PTPRN2: variants seen among roughly 807,000 people sequenced by gnomAD.
PTPRN2 encodes the protein receptor-type tyrosine-protein phosphatase N2.
Under a neutral mutation model 118.8 loss-of-function variants are expected in PTPRN2, and 74 were observed. The ratio of observed to expected loss-of-function variants is 0.62; its 90% CI spans 0.52 to 0.76. The LOEUF (loss-of-function observed/expected upper bound fraction) is 0.76, where lower values mean the gene tolerates loss of function less well. Among genes scored for constraint, PTPRN2 ranks in the 30% least tolerant of loss-of-function variants. The pLI, the probability that PTPRN2 is intolerant of heterozygous loss-of-function variation, is 0.00. For synonymous variants in PTPRN2, 641 were observed against 608.0 expected (o/e 1.05, Z -0.80); for missense variants, 1,481 against 1,394.4 (o/e 1.06, Z -0.99).
chr7:158,081,252 GCACA>G (rs1491171781), intron 11 of PTPRN2, 42 bp downstream of exon 11: 2 of 1,477,662 alleles, frequency 1.4e-6, no homozygotes, highest in East Asian at 4.5e-5. Flanking sequence ...GTGTGTGTGT[GCACA>G]CACGTGTGTG....
chr7:158,315,470 C>T (rs1334818523), intron 3 of PTPRN2, among the ~76,000 whole-genome samples: 3 of 146,528 alleles, frequency 2.0e-5, no homozygotes, highest in Non-Finnish European at 4.5e-5. Flanking sequence ...CCAGGACTCC[C>T]TGAAGGATAG....
chr7:158,265,411 C>T (rs1425185088), intron 3 of PTPRN2, among the ~76,000 whole-genome samples: 1 of 146,492 alleles, frequency 6.8e-6, no homozygotes, highest in African/African-American at 2.5e-5. Flanking sequence ...CGGGCACACA[C>T]CTGTGGGCAC....
chr7:158,245,188 CCG>C (rs1563029919), intron 3 of PTPRN2, among the ~76,000 whole-genome samples: 3 of 100,276 alleles, frequency 3.0e-5, no homozygotes, highest in African/African-American at 1.2e-4. Context: ...ATGCCGGAAT[CCG>C]TGGTCATGCT....
At chr7:158,528,134 A>G (rs1304455561) in intron 1 of PTPRN2, among the ~76,000 whole-genome samples, 1 of 151,934 alleles carries the variant, frequency 6.6e-6, no homozygotes, top group African/African-American at 2.4e-5. Flanking sequence ...AGCTGCTAGC[A>G]ACTGGCTGTG....
intron 2 of PTPRN2, among the ~76,000 whole-genome samples, chr7:158,441,048 GTGGT>G (rs1817041775): frequency 2.0e-5 from 1 of 49,780 alleles, no homozygotes; most frequent in Non-Finnish European, 5.1e-5. Flanking sequence ...AGTAGTGATG[GTGGT>G]AGTGATGGGG....
chr7:158,273,419 C>T lies in PTPRN2; in HGVS notation c.277+43400G>A, dbSNP rs1044189000. Among the ~76,000 whole-genome samples, 44 of 125,254 alleles carry T rather than the reference C, an allele frequency of 3.5e-4. 11 individuals are homozygous for T. Among genetic ancestry groups the T allele is most frequent in the African/African-American group, 9.6e-4 (29 of 30,100 alleles). The allele number at this position is 125,254 out of a possible 152,430, so 82.2% of individuals were successfully genotyped here. A position where few individuals can be genotyped will look rare whatever the true frequency, so the allele number is the denominator to read the frequency against. On this transcript the variant is annotated intron_variant, in intron 3 of 22. Coordinates refer to ENST00000389418, the MANE Select transcript of PTPRN2 (RefSeq NM_002847.5). ...AGACACGGGAGGAGCCGCAGACAGA[C>T]GCGGGAGGAGCCGCAGACAGACGCG...
chr7:157,707,134 G>A (rs1798372675), intron 12 of PTPRN2, among the ~76,000 whole-genome samples: 1 of 152,132 alleles, frequency 6.6e-6, no homozygotes, highest in Non-Finnish European at 1.5e-5. Flanking sequence ...CAGGTTTAGT[G>A]CTGTGGGTTG....
At chr7:157,593,246 A>G (rs1478267641) in intron 17 of PTPRN2, among the ~76,000 whole-genome samples, 14 of 109,240 alleles carry the variant, frequency 1.3e-4, no homozygotes, top group East Asian at 3.3e-4. Context: ...GGGCATCATC[A>G]TGGTTGTTGC....
At position 158,571,513 on chromosome 7, in the gene PTPRN2, A is replaced by C. The variant is rs1466063264; in HGVS notation, c.112+16045T>G. ...AAAACAAAAAAAAACAAAAAAAAAC[A>C]CACACCTATTTCTTTTTTTTTTTTT... On this transcript the variant is annotated intron_variant, in intron 1 of 22. Coordinates refer to ENST00000389418, the MANE Select transcript of PTPRN2 (RefSeq NM_002847.5). Among the ~76,000 whole-genome samples, 45 of 137,244 alleles carry C rather than the reference A, an allele frequency of 3.3e-4. 1 individual carries two copies. Among genetic ancestry groups the C allele is most frequent in the African/African-American group, 6.1e-4 (21 of 34,428 alleles). The allele number at this position is 137,244 out of a possible 152,430, so 90.0% of individuals were successfully genotyped here. A position where few individuals can be genotyped will look rare whatever the true frequency, so the allele number is the denominator to read the frequency against.
At chr7:157,669,528 C>A in intron 13 of PTPRN2, 2 of 490,274 alleles carry the variant, frequency 4.1e-6, no homozygotes, top group East Asian at 1.2e-4. Flanking sequence ...ACGACGACAC[C>A]CAGTCAGGGG....
At chr7:158,333,424 A>T (rs200016513) in intron 2 of PTPRN2, among the ~76,000 whole-genome samples, 6 of 117,884 alleles carry the variant, frequency 5.1e-5, no homozygotes, top group Admixed American at 1.6e-4. Flanking sequence ...CCACACTGTC[A>T]CCATAAGAGG....
chr7:158,432,364 A>G (rs1816279848), intron 2 of PTPRN2, among the ~76,000 whole-genome samples: 1 of 152,192 alleles, frequency 6.6e-6, no homozygotes, highest in South Asian at 2.1e-4. Context: ...ACAAACGACA[A>G]AGTCCTGTAA....
chr7:158,130,684 GACAC>G (rs757753774), intron 9 of PTPRN2, among the ~76,000 whole-genome samples: 1 of 115,292 alleles, frequency 8.7e-6, no homozygotes, highest in African/African-American at 3.8e-5. Context: ...CGTACATACA[GACAC>G]ACACATCTAC....
In PTPRN2 at chr7:158,146,119, G is replaced by A. The variant is rs117440855; in HGVS notation, c.911-7604C>T. Among the ~76,000 whole-genome samples, 14 of 152,040 alleles carry A rather than the reference G, an allele frequency of 9.2e-5. No homozygotes were observed. The East Asian group carries it at 1.2e-3, about 13-fold the overall frequency. ...ACTTGGTTCTCCATGAGAAGCTCTCGCCACAGCTCATTGTGATCCTCAGGT... is the reference window on the plus strand; with the variant it reads ...ACTTGGTTCTCCATGAGAAGCTCTCACCACAGCTCATTGTGATCCTCAGGT... On this transcript the variant is annotated intron_variant, in intron 6 of 22. Coordinates refer to ENST00000389418, the MANE Select transcript of PTPRN2 (RefSeq NM_002847.5).
At chr7:158,333,647 C>T (rs1307457454) in intron 2 of PTPRN2, among the ~76,000 whole-genome samples, 2 of 151,764 alleles carry the variant, frequency 1.3e-5, no homozygotes, top group African/African-American at 2.4e-5. Context: ...CTCACACCCA[C>T]ATTCTCACCA....
intron 20 of PTPRN2, among the ~76,000 whole-genome samples, chr7:157,569,616 T>A (rs1799661836): frequency 6.6e-6 from 1 of 152,246 alleles, no homozygotes; most frequent in Non-Finnish European, 1.5e-5. Context: ...AAAAATGTTT[T>A]GAATAATACT....
At chr7:158,329,809 C>A (rs1279881384) in intron 2 of PTPRN2, among the ~76,000 whole-genome samples, 1 of 152,180 alleles carries the variant, frequency 6.6e-6, no homozygotes, top group African/African-American at 2.4e-5. Context: ...GGTCCCACTT[C>A]ACCGCTCGAG....
intron 11 of PTPRN2, among the ~76,000 whole-genome samples, chr7:158,068,245 G>A (rs117109586): frequency 0.027 from 4,161 of 152,344 alleles, 120 homozygotes; most frequent in Admixed American, 0.081. Context: ...GCCATGAAAC[G>A]ACGCAGGTGG....
rs547785745 is a variant in PTPRN2, at chr7:158,407,123, G to C, written c.163+82612C>G. ...GCCCAGCCCTGGGTCCTGCGTCCTG[G>C]GTCCTGGGTCCTGCGTCCTGCGTCC... On this transcript the variant is annotated intron_variant, in intron 2 of 22. Transcript: ENST00000389418. Among the ~76,000 whole-genome samples the C allele has an allele frequency of 2.7e-3, 397 of 147,766 alleles. 3 individuals carry two copies. The highest frequency in any genetic ancestry group is 4.8e-3 in the African/African-American group (193 of 40,272).
Sources: allele counts gnomAD v4.1 joint callset (sites outside exome capture counted in the v4.1 genomes callset), GRCh38; gene constraint gnomAD v4.1.1; transcripts MANE v1.5; gene names NCBI Gene and HGNC (gene_info 2026-07-23, HGNC 2026-07-21).